LGR5: variants seen among roughly 807,000 people sequenced by gnomAD.
LGR5 encodes the protein leucine-rich repeat-containing G protein-coupled receptor 5.
LGR5 carries 54 observed loss-of-function variants against 76.7 expected under a neutral mutation model. The observed-to-expected ratio is 0.70, with a 90% CI of 0.57 to 0.88. The LOEUF (loss-of-function observed/expected upper bound fraction) is 0.88. Among genes scored for constraint, LGR5 ranks in the 40% least tolerant of loss-of-function variants. The pLI is 0.00. For synonymous variants in LGR5, 406 were observed against 421.9 expected, an observed-to-expected ratio of 0.96 and a Z score of 0.46; for missense variants, 1,078 against 1,073.3, an observed-to-expected ratio of 1.00 and a Z score of -0.06.
intron 1 of LGR5, among the ~76,000 whole-genome samples, chr12:71,471,996 A>G (rs529168160): frequency 6.6e-6 from 1 of 152,198 alleles, no homozygotes; most frequent in Non-Finnish European, 1.5e-5. Flanking sequence ...TTGGGGACTC[A>G]GGGAAAAGGG....
At chr12:71,556,369 A>G (rs906779806) in intron 5 of LGR5, among the ~76,000 whole-genome samples, 1 of 152,170 alleles carries the variant, frequency 6.6e-6, no homozygotes, top group East Asian at 1.9e-4. Context: ...TATATCAATT[A>G]TGTTCCTCAT....
chr12:71,533,550 T>G (rs1876436022), intron 3 of LGR5, among the ~76,000 whole-genome samples: 1 of 152,142 alleles, frequency 6.6e-6, no homozygotes, highest in African/African-American at 2.4e-5. Flanking sequence ...AACCTTCCAA[T>G]GGCTTCTGAT....
intron 13 of LGR5, among the ~76,000 whole-genome samples, chr12:71,575,080 C>T (rs981381959): frequency 2.0e-5 from 3 of 152,094 alleles, no homozygotes; most frequent in Admixed American, 6.6e-5. Context: ...TGAATTGCAG[C>T]GCCTGAGATT....
intron 11 of LGR5, 31 bp from the exon 12 acceptor site, chr12:71,571,483 A>AT: frequency 6.6e-7 from 1 of 1,507,586 alleles, no homozygotes. Flanking sequence ...TTTGTAACAG[A>AT]TTTTCCCTTT....
In LGR5 at chr12:71,582,443, T is replaced by C. The variant is rs1324065626; in HGVS notation, c.1553-13T>C. 2 of 1,612,396 alleles carry C rather than the reference T, an allele frequency of 1.2e-6. No individual in the cohort carries two copies. Among genetic ancestry groups the C allele is most frequent in the East Asian group, 2.2e-5 (1 of 44,874 alleles). ...AGTCAGAACTAATCATTCCAGGACT[T>C]CTTGTGCTGCAGATGAACGTGACCT... On this transcript the variant is annotated splice_polypyrimidine_tract_variant and intron_variant, in intron 16 of 17. Transcript: ENST00000266674.
At chr12:71,507,757 G>T (rs961312872) in intron 2 of LGR5, among the ~76,000 whole-genome samples, 8 of 152,064 alleles carry the variant, frequency 5.3e-5, no homozygotes, top group African/African-American at 1.9e-4. Context: ...CTCTGGGTGT[G>T]TGTGTTTGTG....
chr12:71,582,858 T>G (rs956441421), intron 17 of LGR5, among the ~76,000 whole-genome samples: 4 of 152,174 alleles, frequency 2.6e-5, no homozygotes, highest in African/African-American at 9.7e-5. Flanking sequence ...TCTTGTTTTG[T>G]GTAATCACCG....
chr12:71,546,670 A>G (rs1340558659), intron 4 of LGR5, among the ~76,000 whole-genome samples: 3 of 152,016 alleles, frequency 2.0e-5, no homozygotes, highest in Non-Finnish European at 2.9e-5. Flanking sequence ...TGCCTTGGTA[A>G]TGTACTTTCC....
chr12:71,540,449 G>T (rs547687121), intron 4 of LGR5, among the ~76,000 whole-genome samples: 1 of 152,224 alleles, frequency 6.6e-6, no homozygotes, highest in African/African-American at 2.4e-5. Context: ...TTCAGAATAT[G>T]ACTATATTTT....
chr12:71,538,465 G>A (rs1261143403), intron 4 of LGR5, among the ~76,000 whole-genome samples: 3 of 151,972 alleles, frequency 2.0e-5, no homozygotes, highest in Non-Finnish European at 4.4e-5. Context: ...GGTACAGTGA[G>A]CCCTGATCAT....
intron 1 of LGR5, among the ~76,000 whole-genome samples, chr12:71,450,728 G>A (rs1237763350): frequency 6.6e-6 from 1 of 152,142 alleles, no homozygotes; most frequent in Non-Finnish European, 1.5e-5. Context: ...TTCTAGCAGT[G>A]ACATTGCACT....
chr12:71,559,708 T>G, intron 7 of LGR5, 54 bp downstream of exon 7: 1 of 963,350 alleles, frequency 1.0e-6, no homozygotes, highest in Non-Finnish European at 1.6e-6. Context: ...GTGAATTTAT[T>G]TAAAAATACA....
chr12:71,550,420 A>C (rs995850377), intron 4 of LGR5, among the ~76,000 whole-genome samples: 1 of 147,904 alleles, frequency 6.8e-6, no homozygotes, highest in South Asian at 2.1e-4. Context: ...GGCATGAACC[A>C]CTGCGCGCAG....
intron 8 of LGR5, among the ~76,000 whole-genome samples, chr12:71,563,135 C>G (rs1179861186): frequency 1.3e-5 from 2 of 152,096 alleles, no homozygotes; most frequent in Non-Finnish European, 2.9e-5. Context: ...AACCCCAACT[C>G]TATATATATT....
chr12:71,571,495 T>G lies in LGR5; in HGVS notation c.1071-19T>G, dbSNP rs888942789. The stretch of plus-strand genomic sequence containing the variant: ...TTATTTGTAACAGATTTTCCCTTTT[T>G]GCACCTTCTGTTTTTCAGAGATCTG... On this transcript the variant is annotated intron_variant, in intron 11 of 17. Transcript: ENST00000266674. 15 of 1,590,668 alleles carry G rather than the reference T, an allele frequency of 9.4e-6. No individual in the cohort carries two copies. The highest frequency in any genetic ancestry group is 1.3e-5 in the Non-Finnish European group (15 of 1,163,384).
At chr12:71,559,389 AAAT>A in intron 6 of LGR5, among the ~76,000 whole-genome samples, 194 bp from the exon 7 acceptor site, 1 of 152,330 alleles carries the variant, frequency 6.6e-6, no homozygotes, top group South Asian at 2.1e-4. Flanking sequence ...ATGATTAGTC[AAAT>A]GACCATTTTA....
chr12:71,489,101 A>G (rs904229530), intron 1 of LGR5, among the ~76,000 whole-genome samples: 1 of 152,224 alleles, frequency 6.6e-6, no homozygotes, highest in African/African-American at 2.4e-5. Flanking sequence ...GTGGCAATCA[A>G]ATGAAATCCA....
chr12:71,456,651 A>C (rs1475694332), intron 1 of LGR5, among the ~76,000 whole-genome samples: 1 of 152,064 alleles, frequency 6.6e-6, no homozygotes, highest in Non-Finnish European at 1.5e-5. Context: ...TGCAAGATTT[A>C]CTGTTAATTT....
At chr12:71,455,061 A>T (rs1872412977) in intron 1 of LGR5, among the ~76,000 whole-genome samples, 1 of 152,160 alleles carries the variant, frequency 6.6e-6, no homozygotes, top group Non-Finnish European at 1.5e-5. Context: ...CCAACACATT[A>T]GTTCCAACTG....
Sources: allele counts gnomAD v4.1 joint callset (sites outside exome capture counted in the v4.1 genomes callset), GRCh38; gene constraint gnomAD v4.1.1; transcripts MANE v1.5; gene names NCBI Gene and HGNC (gene_info 2026-07-23, HGNC 2026-07-21).